Variants in PRDM16 observed in about 807,000 individuals in gnomAD.
The protein encoded by PRDM16 is histone-lysine N-methyltransferase PRDM16.
In PRDM16, 23 loss-of-function variants were observed where a neutral mutation model predicts 110.6. That is an observed-to-expected ratio of 0.21 (90% confidence interval 0.15 to 0.29). PRDM16 has a LOEUF of 0.29. PRDM16 is among the 10% of genes least tolerant of loss of function. The pLI is 1.00. For synonymous variants in PRDM16, 799 were observed against 781.8 expected (o/e 1.02, Z -0.37); for missense variants, 1,615 against 1,794.3 (o/e 0.90, Z 1.81).
Position 3,437,253 on chromosome 1 carries a change from G to A in PRDM16, c.*3442G>A. 4.3e-6 allele frequency: 1 copy of A among 232,906 alleles called. No homozygotes were observed. The highest frequency in any genetic ancestry group is 8.5e-6 in the Non-Finnish European group (1 of 117,832). 14.4% of individuals were successfully genotyped at this position (232,906 alleles called of 1,614,324 possible). A position where few individuals can be genotyped will look rare whatever the true frequency, so the allele number is the denominator to read the frequency against. ...TCCCATCCAGACCCCGACTGGCCAA[G>A]ACCTCCACGTCCCCAGAGTCCAGCC... is the stretch of plus-strand genomic sequence containing the variant. On this transcript the variant is annotated 3_prime_UTR_variant, in exon 17 of 17. Transcript: ENST00000270722.
intron 1 of PRDM16, among the ~76,000 whole-genome samples, chr1:3,090,263 G>T (rs1437878299): frequency 2.0e-5 from 3 of 152,250 alleles, no homozygotes; most frequent in Non-Finnish European, 4.4e-5. Flanking sequence ...AGCAGACGGG[G>T]CTTGACACTG....
At chr1:3,183,711 G>T (rs1389354550) in intron 1 of PRDM16, among the ~76,000 whole-genome samples, 2 of 152,236 alleles carry the variant, frequency 1.3e-5, no homozygotes, top group East Asian at 3.8e-4. Flanking sequence ...TTTTCCTCCA[G>T]CGGGTCAGGG....
chr1:3,423,618 G>A (rs562088485), intron 12 of PRDM16, among the ~76,000 whole-genome samples: 7 of 152,290 alleles, frequency 4.6e-5, no homozygotes, highest in South Asian at 2.1e-4. Context: ...GCGGGCCACC[G>A]GCACCGGTCG....
Position 3,255,085 on chromosome 1 carries a change from G to A in PRDM16, c.438+10948G>A, listed in dbSNP as rs2100231039. Among the ~76,000 whole-genome samples the A allele has an allele frequency of 6.6e-6, 1 of 152,054 alleles. No homozygotes were observed. Reference sequence around the variant, plus strand: ...GATTCCCTATTTAATAAATGGTGCTGGGAAAACTGGCTAGCCATATGTAGA... The same window carrying A: ...GATTCCCTATTTAATAAATGGTGCTAGGAAAACTGGCTAGCCATATGTAGA... On this transcript the variant is annotated intron_variant, in intron 3 of 16. Transcript: ENST00000270722. This position sits in a 1 kb window ranked among gnomAD's most constrained non-coding sequence, Gnocchi z 4.7.
chr1:3,360,945 C>T (rs966983312), intron 3 of PRDM16, among the ~76,000 whole-genome samples: 9 of 152,186 alleles, frequency 5.9e-5, no homozygotes, highest in Non-Finnish European at 8.8e-5. Flanking sequence ...GCGGCGGGAA[C>T]GAGGCAGGTG....
chr1:3,264,939 G>GGACT (rs965345623), intron 3 of PRDM16, among the ~76,000 whole-genome samples: 14 of 152,262 alleles, frequency 9.2e-5, no homozygotes, highest in Non-Finnish European at 4.4e-5. Flanking sequence ...CCAGGGCAAG[G>GGACT]GACTGGGCAG....
At chr1:3,110,870 A>G (rs1191856034) in intron 1 of PRDM16, among the ~76,000 whole-genome samples, 1 of 152,092 alleles carries the variant, frequency 6.6e-6, no homozygotes, top group Non-Finnish European at 1.5e-5. Flanking sequence ...AGCTCTTGGG[A>G]TAAGAACAGT....
chr1:3,069,504 C>T lies in PRDM16; in HGVS notation c.37+208C>T, dbSNP rs1382505777. On this transcript the variant is annotated intron_variant, in intron 1 of 16. Transcript: ENST00000270722. This position sits in a 1 kb window ranked among gnomAD's most constrained non-coding sequence, Gnocchi z 6.1. ...GGAGGCTCGGGGCGCCCGGGCCGCGCGCTCCCCGAAGGCGCCGGCCCCCTC... is the reference window on the plus strand; with the variant it reads ...GGAGGCTCGGGGCGCCCGGGCCGCGTGCTCCCCGAAGGCGCCGGCCCCCTC... Among the ~76,000 whole-genome samples, 1 of 146,476 alleles carries T rather than the reference C, an allele frequency of 6.8e-6. No homozygotes were observed. Among genetic ancestry groups the T allele is most frequent in the Non-Finnish European group, 1.5e-5 (1 of 66,000 alleles).
intron 3 of PRDM16, among the ~76,000 whole-genome samples, chr1:3,283,695 C>T (rs1200682414): frequency 6.6e-6 from 1 of 152,142 alleles, no homozygotes; most frequent in Non-Finnish European, 1.5e-5. Context: ...GGGGACCAGA[C>T]CTCAAGGTCA....
In PRDM16 at chr1:3,435,934, G is replaced by GC. The variant is rs745362661; in HGVS notation, c.*2127dup. ...GTGCGTGCGCTGGGGCCATGGGGTG[G>GC]CCCCGCCGGGGCAGCGGGGGAGCTG... On this transcript the variant is annotated 3_prime_UTR_variant, in exon 17 of 17. Coordinates refer to ENST00000270722, the MANE Select transcript of PRDM16 (RefSeq NM_022114.4). The GC allele has an allele frequency of 0.011, 2,532 of 231,264 alleles. 23 individuals are homozygous for GC. The highest frequency in any genetic ancestry group is 0.015 in the Non-Finnish European group (1,700 of 116,800). The allele number at this position is 231,264 out of a possible 1,614,324, so 14.3% of individuals were successfully genotyped here. A position where few individuals can be genotyped will look rare whatever the true frequency, so the allele number is the denominator to read the frequency against.
At position 3,181,629 on chromosome 1, in the gene PRDM16, T is replaced by A. The variant is rs111163185; in HGVS notation, c.38-4496T>A. Among the ~76,000 whole-genome samples, 561 of 70,496 alleles carry A rather than the reference T, an allele frequency of 8.0e-3. 15 individuals carry two copies. Among genetic ancestry groups the A allele is most frequent in the African/African-American group, 0.03 (524 of 17,364 alleles). The allele number at this position is 70,496 out of a possible 152,430, so 46.2% of individuals were successfully genotyped here. ...GCAGTCTTACACACGGTCTTACACA[T>A]GCAGTCTTACACACGGTCTTACACA... On this transcript the variant is annotated intron_variant, in intron 1 of 16. Transcript: ENST00000270722.
intron 3 of PRDM16, among the ~76,000 whole-genome samples, chr1:3,291,433 A>G (rs1373350555): frequency 6.6e-6 from 1 of 152,198 alleles, no homozygotes; most frequent in Non-Finnish European, 1.5e-5. Flanking sequence ...AGGGAGGCCA[A>G]GGAAAGGCAT....
At chr1:3,160,699 G>A (rs923002683) in intron 1 of PRDM16, among the ~76,000 whole-genome samples, 6 of 152,240 alleles carry the variant, frequency 3.9e-5, no homozygotes, top group African/African-American at 1.4e-4. Context: ...CCCTGATGAT[G>A]ACGGTGACCC....
At chr1:3,391,722 C>T (rs1179163355) in intron 4 of PRDM16, among the ~76,000 whole-genome samples, 1 of 152,260 alleles carries the variant, frequency 6.6e-6, no homozygotes, top group Non-Finnish European at 1.5e-5. Flanking sequence ...GGCTTTTCCT[C>T]GCTCTGCCAG....
At chr1:3,259,345 C>T (rs1215480914) in intron 3 of PRDM16, among the ~76,000 whole-genome samples, 7 of 152,178 alleles carry the variant, frequency 4.6e-5, no homozygotes, top group East Asian at 1.9e-4. Flanking sequence ...TGTGCCTGGG[C>T]GTGGCAGCAC....
At chr1:3,122,678 C>G (rs57453122) in intron 1 of PRDM16, among the ~76,000 whole-genome samples, 6,038 of 152,244 alleles carry the variant, frequency 0.04, 294 homozygotes, top group African/African-American at 0.11. Flanking sequence ...ACATTCCCCC[C>G]CTCCGTGCTG....
intron 1 of PRDM16, among the ~76,000 whole-genome samples, chr1:3,104,756 G>T (rs1048853532): frequency 1.3e-5 from 2 of 151,820 alleles, no homozygotes; most frequent in East Asian, 3.9e-4. Flanking sequence ...CCTGGCCCTC[G>T]CTGTGCATTC....
rs577358445 is a variant in PRDM16 at position 3,356,273 on chromosome 1, C to T, written c.439-28879C>T. ...AATTGTTCCAAAGCCCCCCCCAGCC[C>T]CCCTGCGCCAAGCCACCATCTCTAA... On this transcript the variant is annotated intron_variant, in intron 3 of 16. Transcript: ENST00000270722. 7.2e-5 allele frequency among the ~76,000 whole-genome samples: 11 copies of T among 152,310 alleles called. No individual in the cohort carries two copies. In the East Asian group the frequency reaches 2.1e-3, roughly 29 times the overall value.
At chr1:3,075,202 T>A (rs984884120) in intron 1 of PRDM16, among the ~76,000 whole-genome samples, 2 of 152,262 alleles carry the variant, frequency 1.3e-5, no homozygotes, top group African/African-American at 2.4e-5. Context: ...TAGTTAACAT[T>A]TTGGGCAGAA....
Sources: allele counts gnomAD v4.1 joint callset (sites outside exome capture counted in the v4.1 genomes callset), GRCh38; gene constraint gnomAD v4.1.1; non-coding constraint Gnocchi (gnomAD v3.1); transcripts MANE v1.5; gene names NCBI Gene and HGNC (gene_info 2026-07-23, HGNC 2026-07-21).